BICRA: variants seen among roughly 807,000 people sequenced by gnomAD.
BICRA encodes BRD4 interacting chromatin remodeling complex associated protein, also known as BRD4-interacting chromatin-remodeling complex-associated protein.
BICRA carries 31 observed loss-of-function variants against 96.9 expected under a neutral mutation model. That is an observed-to-expected ratio of 0.32 (90% confidence interval 0.24 to 0.43). The LOEUF (loss-of-function observed/expected upper bound fraction) is 0.43. Ranked by LOEUF, BICRA falls within the 20% of genes least tolerant of loss-of-function variation. The pLI is 1.00. For synonymous variants in BICRA, 1,350 were observed against 1,071.8 expected, an observed-to-expected ratio of 1.26 and a Z score of -5.07; for missense variants, 2,283 against 2,190.3, an observed-to-expected ratio of 1.04 and a Z score of -0.84.
rs565891396 is a variant in BICRA at position 47,613,062 on chromosome 19, C to G, written c.-108+3894C>G. 1.1e-3 allele frequency among the ~76,000 whole-genome samples: 172 copies of G among 152,226 alleles called. No homozygotes were observed. In the Middle Eastern group the frequency reaches 0.014, roughly 12 times the overall value. ...TTTTGGGGGGCTGGTGGGAGAAGTC[C>G]GAGTGAGGCCCTAGAGGGTCTCCCG... On this transcript the variant is annotated intron_variant, in intron 1 of 14. Coordinates refer to ENST00000594866, the MANE Select transcript of BICRA (RefSeq NM_001394372.1).
At chr19:47,620,786 T>G (rs150755889) in intron 1 of BICRA, among the ~76,000 whole-genome samples, 1 of 151,502 alleles carries the variant, frequency 6.6e-6, no homozygotes, top group Non-Finnish European at 1.5e-5. Context: ...GGAATCCCGA[T>G]GAGTGGCGTC....
intron 1 of BICRA, among the ~76,000 whole-genome samples, chr19:47,654,303 A>T (rs886715755): frequency 6.6e-6 from 1 of 151,964 alleles, no homozygotes; most frequent in Admixed American, 6.6e-5. Context: ...GTATCTTGTC[A>T]TGGCCATTTG....
chr19:47,657,108 G>C (rs951866130), intron 1 of BICRA, among the ~76,000 whole-genome samples: 1 of 152,058 alleles, frequency 6.6e-6, no homozygotes, highest in Non-Finnish European at 1.5e-5. Flanking sequence ...TGATCTGCCT[G>C]CCTTGGCCTC....
chr19:47,682,232 C>T, intron 7 of BICRA, 80 bp downstream of exon 7: 1 of 632,288 alleles, frequency 1.6e-6, no homozygotes, highest in South Asian at 1.9e-5. Context: ...TCCTCGCTCT[C>T]CGCCCTGCCT....
Position 47,685,786 on chromosome 19 carries a change from T to TGTGTGTGTGTGTGTGTGCGC in BICRA, c.2283+3635_2283+3636insTGTGTGTGTGTGTGTGCGCG. Among the ~76,000 whole-genome samples the TGTGTGTGTGTGTGTGTGCGC allele has an allele frequency of 8.2e-4, 97 of 117,960 alleles. 1 individual carries two copies. The highest frequency in any genetic ancestry group is 2.0e-3 in the African/African-American group (56 of 27,616). The allele number at this position is 117,960 out of a possible 152,430, so 77.4% of individuals were successfully genotyped here. On this transcript the variant is annotated intron_variant, in intron 7 of 14. Transcript: ENST00000594866. ...GTGTGTGTGTGTGTGTGTGTGTGTGTGCGCGCGCGCGCGCATGCGTACATT... is the reference window on the plus strand; with the variant it reads ...GTGTGTGTGTGTGTGTGTGTGTGTGTGTGTGTGTGTGTGTGTGCGCGCGCGCGCGCGCGCATGCGTACATT...
upstream of BICRA, among the ~76,000 whole-genome samples, chr19:47,608,785 G>T (rs1345830428): frequency 6.6e-6 from 1 of 151,436 alleles, no homozygotes; most frequent in Non-Finnish European, 1.5e-5. Flanking sequence ...TGGTCCGCCC[G>T]GACGCGGGGC....
rs750316363 is a variant in BICRA at position 47,694,746 on chromosome 19, G to C, written c.2895+20G>C. 1.6e-6 allele frequency: 2 copies of C among 1,289,600 alleles called. No individual in the cohort carries two copies. Among genetic ancestry groups the C allele is most frequent in the Non-Finnish European group, 2.2e-6 (2 of 914,556 alleles). 79.9% of individuals were successfully genotyped at this position (1,289,600 alleles called of 1,614,324 possible). ...CACCAGGTAACGGGAGGCAGGGACTGCCCGCCCCATCAGCCCCATCCCATC... is the reference window on the plus strand; with the variant it reads ...CACCAGGTAACGGGAGGCAGGGACTCCCCGCCCCATCAGCCCCATCCCATC... On this transcript the variant is annotated intron_variant, in intron 8 of 14. Coordinates refer to ENST00000594866, the MANE Select transcript of BICRA (RefSeq NM_001394372.1).
At chr19:47,689,529 A>G (rs1176328572) in intron 7 of BICRA, among the ~76,000 whole-genome samples, 2 of 152,070 alleles carry the variant, frequency 1.3e-5, no homozygotes, top group African/African-American at 4.8e-5. Flanking sequence ...TCCCTGCCTC[A>G]GCCTCCGGAG....
Position 47,694,591 on chromosome 19 carries a change from C to T in BICRA, c.2760C>T (p.Pro920=). Residue 920 remains proline, a synonymous_variant, in exon 8 of 15, where the codon CCC becomes CCT. Coordinates refer to ENST00000594866, the MANE Select transcript of BICRA (RefSeq NM_001394372.1). ...FPPSQGPHKS[P]TPPPTLHLVP... ...CCAGCCAGGGGCCCCACAAGTCCCC[C>T]ACTCCCCCTCCAACCCTCCACCTGG... 1 of 1,580,492 alleles carries T rather than the reference C, an allele frequency of 6.3e-7. No homozygotes were observed. The highest frequency in any genetic ancestry group is 8.7e-7 in the Non-Finnish European group (1 of 1,150,638).
chr19:47,611,279 T>TC (rs1444126629), intron 1 of BICRA, among the ~76,000 whole-genome samples: 2 of 152,194 alleles, frequency 1.3e-5, no homozygotes, highest in Non-Finnish European at 2.9e-5. Context: ...GATTTTTTTT[T>TC]TCCCTGGGAG....
At chr19:47,660,173 G>A (rs2910999) in intron 1 of BICRA, among the ~76,000 whole-genome samples, 109,512 of 151,668 alleles carry the variant, frequency 0.72, 39,953 homozygotes, top group African/African-American at 0.81. Context: ...TGCTCCCTCA[G>A]GAGGCTCTAG....
At chr19:47,681,784 G>T (rs1973065450) in intron 6 of BICRA, among the ~76,000 whole-genome samples, 192 bp from the exon 7 acceptor site, 2 of 152,120 alleles carry the variant, frequency 1.3e-5, no homozygotes, top group African/African-American at 4.8e-5. Flanking sequence ...GCTGGCAGAG[G>T]GGCCAATGGG....
Position 47,651,784 on chromosome 19 carries a change from A to G in BICRA, c.-107-18659A>G, listed in dbSNP as rs191156491. 7.7e-4 allele frequency among the ~76,000 whole-genome samples: 118 copies of G among 152,300 alleles called. 1 individual carries two copies. In the East Asian group the frequency reaches 0.019, roughly 25 times the overall value. ...CGAGCACGAGAGGGTTGGGCAGACAATGCTGGTTCCAAGACCTAGAGAAGG... is the reference window on the plus strand; with the variant it reads ...CGAGCACGAGAGGGTTGGGCAGACAGTGCTGGTTCCAAGACCTAGAGAAGG... On this transcript the variant is annotated intron_variant, in intron 1 of 14. Transcript: ENST00000594866.
chr19:47,699,142 T>G lies in BICRA; in HGVS notation c.3492+83T>G. The G allele has an allele frequency of 9.3e-7, 1 of 1,071,294 alleles. No individual in the cohort carries two copies. The highest frequency in any genetic ancestry group is 1.4e-6 in the Non-Finnish European group (1 of 714,310). The allele number at this position is 1,071,294 out of a possible 1,614,324, so 66.4% of individuals were successfully genotyped here. A position where few individuals can be genotyped will look rare whatever the true frequency, so the allele number is the denominator to read the frequency against. ...TTTCCCTCACCCGCTCTGGGCAAGG[T>G]GGAGCCTCCCGCCCCTCCTAGCCCC... On this transcript the variant is annotated intron_variant, in intron 13 of 14. Coordinates refer to ENST00000594866, the MANE Select transcript of BICRA (RefSeq NM_001394372.1). The surrounding 1 kb of genome is among the most constrained non-coding windows in gnomAD (Gnocchi z 5.0).
intron 1 of BICRA, among the ~76,000 whole-genome samples, chr19:47,646,188 G>A (rs1188312502): frequency 6.6e-6 from 1 of 152,180 alleles, no homozygotes; most frequent in Non-Finnish European, 1.5e-5. Context: ...GCAGGGGGTG[G>A]AGGAGGGGTA....
Position 47,680,005 on chromosome 19 carries a change from G to A in BICRA, c.835G>A (p.Gly279Ser), listed in dbSNP as rs147974295. 6.0e-5 allele frequency: 90 copies of A among 1,493,642 alleles called. No individual in the cohort carries two copies. The African/African-American group carries it at 1.1e-3, about 18-fold the overall frequency. 92.5% of individuals were successfully genotyped at this position (1,493,642 alleles called of 1,614,324 possible). A position where few individuals can be genotyped will look rare whatever the true frequency, so the allele number is the denominator to read the frequency against. ...PSEPVTLASA[G>S]VSPQGAGLVI... ...GGAGCCCGTGACGCTGGCGTCGGCC[G>A]GTGTCTCGCCACAGGGGGCTGGCCT... Residue 279 changes from glycine (G) to serine (S), a missense_variant, in exon 6 of 15, where the codon GGT (glycine) becomes AGT (serine). Physicochemically the swap from Gly to Ser is moderately conservative, Grantham distance 56. Coordinates refer to ENST00000594866, the MANE Select transcript of BICRA (RefSeq NM_001394372.1).
chr19:47,670,842 G>A (rs1972851964), intron 2 of BICRA, among the ~76,000 whole-genome samples: 1 of 152,168 alleles, frequency 6.6e-6, no homozygotes, highest in Non-Finnish European at 1.5e-5. Flanking sequence ...GGAGGGAAGG[G>A]GCTCATAGGT....
chr19:47,621,561 C>T (rs927464904), intron 1 of BICRA, among the ~76,000 whole-genome samples: 4 of 151,324 alleles, frequency 2.6e-5, no homozygotes, highest in Non-Finnish European at 4.4e-5. Flanking sequence ...GCAACCTCCG[C>T]CTCCCAGGTT....
chr19:47,672,236 G>A (rs1972877877), intron 2 of BICRA, among the ~76,000 whole-genome samples: 1 of 148,296 alleles, frequency 6.7e-6, no homozygotes, highest in African/African-American at 2.5e-5. Context: ...TGGGTGGAAG[G>A]ATGGAGGGAT....
Sources: allele counts gnomAD v4.1 joint callset (sites outside exome capture counted in the v4.1 genomes callset), GRCh38; gene constraint gnomAD v4.1.1; non-coding constraint Gnocchi (gnomAD v3.1); transcripts MANE v1.5; gene names NCBI Gene and HGNC (gene_info 2026-07-23, HGNC 2026-07-21).